BOLL: variants seen among roughly 807,000 people sequenced by gnomAD.
The protein encoded by BOLL is boule RNA binding protein, also known as protein boule-like.
BOLL carries 23 observed loss-of-function variants against 44.4 expected under a neutral mutation model. The ratio of observed to expected loss-of-function variants is 0.52; its 90% confidence interval spans 0.37 to 0.73. The LOEUF is 0.73. BOLL is among the 30% of genes least tolerant of loss of function. The pLI, the probability that BOLL is intolerant of heterozygous loss-of-function variation, is 0.00. For missense variants in BOLL, 287 were observed against 338.3 expected, an observed-to-expected ratio of 0.85 and a Z score of 1.19; for synonymous variants, 97 against 110.8, an observed-to-expected ratio of 0.88 and a Z score of 0.78.
chr2:197,777,138 T>A, intron 3 of BOLL, 25 bp from the exon 4 acceptor site: 1 of 1,391,388 alleles, frequency 7.2e-7, no homozygotes, highest in South Asian at 1.4e-5. Flanking sequence ...TAATTATTAC[T>A]AATTAATCAT....
chr2:197,731,393 T>G (rs1395315976), intron 10 of BOLL, among the ~76,000 whole-genome samples: 1 of 145,636 alleles, frequency 6.9e-6, no homozygotes, highest in Non-Finnish European at 1.5e-5. Flanking sequence ...CTGTCAACAT[T>G]AGACAGATCA....
At chr2:197,739,538 T>C (rs1039359806) in intron 10 of BOLL, among the ~76,000 whole-genome samples, 5 of 152,192 alleles carry the variant, frequency 3.3e-5, no homozygotes, top group African/African-American at 1.2e-4. Flanking sequence ...GGTCTCACTA[T>C]GCTCTCAAAC....
chr2:197,728,436 AACTAAC>A lies in BOLL; in HGVS notation c.*113_*118del, dbSNP rs1399491663. ...GAATAACTGAGTATGGTGAGGTATT[AACTAAC>A]ACTAAGTTTCACAACGGGCAGCTTC... On this transcript the variant is annotated 3_prime_UTR_variant, in exon 11 of 11. Coordinates refer to ENST00000392296, the MANE Select transcript of BOLL (RefSeq NM_033030.6). 1.3e-6 allele frequency: 2 copies of A among 1,481,676 alleles called. No homozygotes were observed. The highest frequency in any genetic ancestry group is 1.4e-5 in the African/African-American group (1 of 72,196). 91.8% of individuals were successfully genotyped at this position (1,481,676 alleles called of 1,614,324 possible).
chr2:197,757,258 G>A (rs1013215490), intron 8 of BOLL, 95 bp downstream of exon 8: 16 of 992,006 alleles, frequency 1.6e-5, no homozygotes, highest in Non-Finnish European at 2.1e-5. Flanking sequence ...AGAAGAAGAA[G>A]GTCTCAAATC....
In BOLL at chr2:197,734,550, G is replaced by T. The variant is rs150708868; in HGVS notation, c.829-5972C>A. On this transcript the variant is annotated intron_variant, in intron 10 of 10. Transcript: ENST00000392296. ...CACTATTCACAATAGCAAAGACTTGGAACCAACCCAAATGTCCAACAATGA... is the reference window on the plus strand; with the variant it reads ...CACTATTCACAATAGCAAAGACTTGTAACCAACCCAAATGTCCAACAATGA... 9.3e-3 allele frequency among the ~76,000 whole-genome samples: 1,422 copies of T among 152,240 alleles called. 27 individuals are homozygous for T. The highest frequency in any genetic ancestry group is 0.031 in the African/African-American group (1,289 of 41,534).
chr2:197,750,282 A>G (rs1688175567), intron 9 of BOLL, among the ~76,000 whole-genome samples: 1 of 152,248 alleles, frequency 6.6e-6, no homozygotes, highest in African/African-American at 2.4e-5. Flanking sequence ...ACAGGATCAA[A>G]TTCACACATA....
At chr2:197,736,646 A>G (rs700643) in intron 10 of BOLL, among the ~76,000 whole-genome samples, 109,604 of 151,996 alleles carry the variant, frequency 0.72, 40,668 homozygotes, top group African/African-American at 0.9. Flanking sequence ...GGCCAAGGAC[A>G]TTTGGTGGGA....
intron 6 of BOLL, among the ~76,000 whole-genome samples, chr2:197,769,394 G>T (rs1016766161): frequency 2.0e-5 from 3 of 152,056 alleles, no homozygotes; most frequent in Non-Finnish European, 4.4e-5. Context: ...TCTTGGGAGG[G>T]TGTATGTGTC....
At chr2:197,729,882 T>C (rs965198688) in intron 10 of BOLL, among the ~76,000 whole-genome samples, 29 of 151,898 alleles carry the variant, frequency 1.9e-4, no homozygotes, top group Non-Finnish European at 2.8e-4. Context: ...ACAGAAAAAC[T>C]GGAAACTCTA....
intron 7 of BOLL, chr2:197,758,996 T>C (rs1429840248): frequency 6.5e-7 from 1 of 1,535,958 alleles, no homozygotes. Context: ...TTGTATGACA[T>C]TGTTTAATTC....
At chr2:197,732,381 A>G (rs2106310284) in intron 10 of BOLL, among the ~76,000 whole-genome samples, 1 of 152,362 alleles carries the variant, frequency 6.6e-6, no homozygotes, top group African/African-American at 2.4e-5. Flanking sequence ...TACCAGAGGT[A>G]CAAGGAACAA....
upstream of BOLL, chr2:197,786,063 C>T (rs945739900): frequency 3.1e-6 from 5 of 1,587,642 alleles, no homozygotes; most frequent in Middle Eastern, 5.0e-4. This position sits in a 1 kb window ranked among gnomAD's most constrained non-coding sequence, Gnocchi z 5.9. Context: ...TTTGAAACCA[C>T]CTTCACGCCA....
rs1314157811 is a variant in BOLL, at chr2:197,772,072, T to C, written c.353-90A>G. On this transcript the variant is annotated intron_variant, in intron 5 of 10. Coordinates refer to ENST00000392296, the MANE Select transcript of BOLL (RefSeq NM_033030.6). ...AAACACTTCAGAAAAATATTTATCT[T>C]AATATACCTATGTAGCTATGGTAAA... 1.0e-5 allele frequency: 11 copies of C among 1,077,494 alleles called. No homozygotes were observed. In the East Asian group the frequency reaches 3.0e-4, roughly 29 times the overall value. The allele number at this position is 1,077,494 out of a possible 1,614,324, so 66.7% of individuals were successfully genotyped here.
At chr2:197,734,467 A>G (rs1687375493) in intron 10 of BOLL, among the ~76,000 whole-genome samples, 1 of 152,220 alleles carries the variant, frequency 6.6e-6, no homozygotes, top group East Asian at 1.9e-4. Flanking sequence ...TACTGGGTAT[A>G]TACCCAAAGG....
At chr2:197,772,894 T>C (rs992861335) in intron 5 of BOLL, among the ~76,000 whole-genome samples, 3 of 151,964 alleles carry the variant, frequency 2.0e-5, no homozygotes, top group Non-Finnish European at 2.9e-5. Context: ...AAATGCAAAT[T>C]CCAGGGACTT....
chr2:197,738,756 T>A (rs1340179320), intron 10 of BOLL, among the ~76,000 whole-genome samples: 2 of 152,304 alleles, frequency 1.3e-5, no homozygotes, highest in African/African-American at 2.4e-5. Context: ...CCAAAGAATA[T>A]TTCCACCTTT....
At chr2:197,750,492 T>C (rs1688190004) in intron 9 of BOLL, among the ~76,000 whole-genome samples, 1 of 152,034 alleles carries the variant, frequency 6.6e-6, no homozygotes, top group Non-Finnish European at 1.5e-5. Flanking sequence ...GCAGGGGTTG[T>C]AATCCTAGTC....
chr2:197,753,169 A>T (rs1209674763), intron 9 of BOLL, among the ~76,000 whole-genome samples: 1 of 152,252 alleles, frequency 6.6e-6, no homozygotes, highest in African/African-American at 2.4e-5. Context: ...TGGATTAATG[A>T]CTTAAATGTA....
chr2:197,736,112 T>C (rs1687472289), intron 10 of BOLL, among the ~76,000 whole-genome samples: 1 of 152,128 alleles, frequency 6.6e-6, no homozygotes, highest in South Asian at 2.1e-4. Flanking sequence ...CTTAAAGTGA[T>C]CAAATTAACA....
Sources: gnomAD v4.1 joint callset for allele counts (sites outside exome capture counted in the v4.1 genomes callset) on GRCh38, gnomAD v4.1.1 for gene constraint, Gnocchi (gnomAD v3.1) non-coding constraint, MANE v1.5 for transcripts, NCBI Gene and HGNC (gene_info 2026-07-23, HGNC 2026-07-21) for gene names.